ZNF804B: variants seen among roughly 807,000 people sequenced by gnomAD.
ZNF804B encodes the protein zinc finger 804B.
ZNF804B carries 80 observed loss-of-function variants against 101.4 expected under a neutral mutation model. The observed-to-expected ratio is 0.79, with a 90% confidence interval of 0.66 to 0.95. The LOEUF (loss-of-function observed/expected upper bound fraction) is 0.95. Ranked by LOEUF, ZNF804B falls within the 40% of genes least tolerant of loss-of-function variation. The pLI is 0.00. For synonymous variants in ZNF804B, 622 were observed against 558.8 expected, an observed-to-expected ratio of 1.11 and a Z score of -1.59; for missense variants, 1,673 against 1,561.9, an observed-to-expected ratio of 1.07 and a Z score of -1.20.
At chr7:89,291,956 C>T (rs967073336) in intron 2 of ZNF804B, among the ~76,000 whole-genome samples, 1 of 151,914 alleles carries the variant, frequency 6.6e-6, no homozygotes, top group African/African-American at 2.4e-5. Flanking sequence ...GGAAACCTTA[C>T]ATGACGAGAA....
chr7:88,809,952 A>G (rs574214283), intron 1 of ZNF804B, among the ~76,000 whole-genome samples: 2 of 152,322 alleles, frequency 1.3e-5, no homozygotes, highest in African/African-American at 4.8e-5. Flanking sequence ...TATTCATGCC[A>G]AGTTTCCACT....
At chr7:89,043,989 A>T (rs1315417340) in intron 1 of ZNF804B, among the ~76,000 whole-genome samples, 1 of 152,218 alleles carries the variant, frequency 6.6e-6, no homozygotes, top group African/African-American at 2.4e-5. Context: ...CTATTCACCC[A>T]TAGAAAATGA....
intron 1 of ZNF804B, among the ~76,000 whole-genome samples, chr7:89,176,471 T>A (rs577005923): frequency 6.6e-6 from 1 of 152,116 alleles, no homozygotes; most frequent in South Asian, 2.1e-4. Flanking sequence ...ATGATCTTTT[T>A]AATGTGTTGT....
intron 2 of ZNF804B, among the ~76,000 whole-genome samples, chr7:89,259,403 A>T (rs1469777182): frequency 6.6e-6 from 1 of 152,236 alleles, no homozygotes; most frequent in African/African-American, 2.4e-5. Context: ...GATGTCACGC[A>T]TAATACCTGG....
intron 1 of ZNF804B, among the ~76,000 whole-genome samples, chr7:89,124,226 C>T (rs1468996980): frequency 7.0e-6 from 1 of 142,118 alleles, no homozygotes; most frequent in Non-Finnish European, 1.6e-5. Context: ...TCATAAATCC[C>T]ACTATTCTTA....
intron 1 of ZNF804B, among the ~76,000 whole-genome samples, chr7:89,023,843 C>T (rs1788705963): frequency 6.6e-6 from 1 of 152,122 alleles, no homozygotes; most frequent in African/African-American, 2.4e-5. Flanking sequence ...GACTGAAGCA[C>T]AACATCACTC....
In ZNF804B at chr7:89,204,404, G is replaced by A. The variant is rs533694109; in HGVS notation, c.109-13751G>A. 2.0e-5 allele frequency among the ~76,000 whole-genome samples: 3 copies of A among 152,290 alleles called. No individual in the cohort carries two copies. In the East Asian group the frequency reaches 5.8e-4, roughly 29 times the overall value. ...CTTTATAAATGGAACAGCATTGTGA[G>A]TCTGGAGGAAGAAAACTCATTTTCT... is the stretch of plus-strand genomic sequence containing the variant. On this transcript the variant is annotated intron_variant, in intron 1 of 3. Coordinates refer to ENST00000333190, the MANE Select transcript of ZNF804B (RefSeq NM_181646.5).
chr7:88,949,986 T>C (rs1299560623), intron 1 of ZNF804B, among the ~76,000 whole-genome samples: 1 of 151,970 alleles, frequency 6.6e-6, no homozygotes, highest in Non-Finnish European at 1.5e-5. Context: ...TTTCTCAGAA[T>C]GTATACCTGT....
At chr7:89,035,388 G>C (rs1286210226) in intron 1 of ZNF804B, among the ~76,000 whole-genome samples, 1 of 151,210 alleles carries the variant, frequency 6.6e-6, no homozygotes, top group Non-Finnish European at 1.5e-5. Context: ...CTGATTTTTT[G>C]TCACAGGAGC....
At chr7:89,305,627 C>T (rs1462630993) in intron 2 of ZNF804B, among the ~76,000 whole-genome samples, 5 of 151,684 alleles carry the variant, frequency 3.3e-5, no homozygotes, top group African/African-American at 9.7e-5. Context: ...GGATAGTTTC[C>T]AATTTTTTAT....
chr7:89,083,447 C>T (rs939734537), intron 1 of ZNF804B, among the ~76,000 whole-genome samples: 1 of 151,694 alleles, frequency 6.6e-6, no homozygotes, highest in Non-Finnish European at 1.5e-5. Context: ...ATGTTAGTGG[C>T]TCAGCAGGAT....
chr7:89,096,293 T>A (rs903666102), intron 1 of ZNF804B, among the ~76,000 whole-genome samples: 3 of 152,024 alleles, frequency 2.0e-5, no homozygotes, highest in African/African-American at 7.2e-5. Context: ...AGGATCAGAA[T>A]GTAAGTGTGG....
At chr7:88,866,956 A>C (rs530628245) in intron 1 of ZNF804B, among the ~76,000 whole-genome samples, 28 of 152,300 alleles carry the variant, frequency 1.8e-4, no homozygotes, top group African/African-American at 6.7e-4. Flanking sequence ...GTTTCTGTGA[A>C]AGTAGAACAT....
chr7:89,107,643 C>T (rs905480029), intron 1 of ZNF804B, among the ~76,000 whole-genome samples: 2 of 152,112 alleles, frequency 1.3e-5, no homozygotes, highest in East Asian at 3.9e-4. Context: ...GACCCTTCAA[C>T]TGGAGAGAAT....
chr7:88,970,139 A>G (rs370486413), intron 1 of ZNF804B, among the ~76,000 whole-genome samples: 3 of 151,208 alleles, frequency 2.0e-5, no homozygotes, highest in East Asian at 4.0e-4. Context: ...TGCAAAGTCT[A>G]TGCTGTTTTC....
At chr7:88,937,106 T>C (rs896201669) in intron 1 of ZNF804B, among the ~76,000 whole-genome samples, 2 of 114,072 alleles carry the variant, frequency 1.8e-5, no homozygotes, top group Non-Finnish European at 3.5e-5. Context: ...GAAAAAACTA[T>C]GAGAATAGCA....
chr7:89,277,491 CCT>C (rs1562934714), intron 2 of ZNF804B, among the ~76,000 whole-genome samples: 8 of 53,008 alleles, frequency 1.5e-4, no homozygotes, highest in Non-Finnish European at 1.7e-4. Flanking sequence ...CCCCCTCCCC[CCT>C]CCCCCCTACC....
At chr7:88,902,307 C>T (rs1190671795) in intron 1 of ZNF804B, among the ~76,000 whole-genome samples, 2 of 152,000 alleles carry the variant, frequency 1.3e-5, no homozygotes, top group African/African-American at 2.4e-5. Context: ...GTTTTTCCAG[C>T]AGCGCATCTC....
intron 1 of ZNF804B, among the ~76,000 whole-genome samples, chr7:89,057,561 G>T (rs979075932): frequency 6.6e-6 from 1 of 152,044 alleles, no homozygotes; most frequent in Non-Finnish European, 1.5e-5. Context: ...AGTCACTGCT[G>T]GGCACAGAGA....
Sources: gnomAD v4.1 joint callset for allele counts (sites outside exome capture counted in the v4.1 genomes callset) on GRCh38, gnomAD v4.1.1 for gene constraint, MANE v1.5 for transcripts, NCBI Gene and HGNC (gene_info 2026-07-23, HGNC 2026-07-21) for gene names.